The following OARD1 variants were observed in gnomAD, a reference collection of about 807,000 sequenced individuals.
The protein encoded by OARD1 is ADP-ribose glycohydrolase OARD1.
A neutral mutation model predicts 19.7 loss-of-function variants in OARD1; 19 were observed. That is an observed-to-expected ratio of 0.96 (90% CI 0.67 to 1.41). The LOEUF (loss-of-function observed/expected upper bound fraction) is 1.41. Among genes scored for constraint, OARD1 ranks in the 40% most tolerant of loss-of-function variants. The pLI is 0.00. For synonymous variants in OARD1, 70 were observed against 61.8 expected (o/e 1.13, Z -0.62); for missense variants, 190 against 183.8 (o/e 1.03, Z -0.20).
intron 3 of OARD1, 36 bp from the exon 4 acceptor site, chr6:41,070,170 G>C (rs748308635): frequency 3.5e-6 from 4 of 1,152,484 alleles, no homozygotes; most frequent in East Asian, 4.7e-5. Context: ...AAATGAAAAA[G>C]AAAACCAAAC....
At chr6:41,091,637 T>A in intron 1 of OARD1, 2 of 1,614,236 alleles carry the variant, frequency 1.2e-6, no homozygotes, top group Non-Finnish European at 1.7e-6. Flanking sequence ...GGCAAGGGAC[T>A]GTCACTGTGA....
At chr6:41,071,044 C>T in intron 3 of OARD1, 88 bp downstream of exon 3, 1 of 1,333,514 alleles carries the variant, frequency 7.5e-7, no homozygotes, top group Non-Finnish European at 1.1e-6. Context: ...TTAGGAATCC[C>T]CTCTTTACAC....
chr6:41,097,374 T>G, intron 1 of OARD1: 1 of 1,614,038 alleles, frequency 6.2e-7, no homozygotes, highest in Non-Finnish European at 8.5e-7. Flanking sequence ...ACCAAGCCGA[T>G]GAAGAAGCAA....
intron 1 of OARD1, among the ~76,000 whole-genome samples, chr6:41,095,451 G>C (rs746707058): frequency 8.5e-5 from 13 of 152,116 alleles, no homozygotes; most frequent in Non-Finnish European, 1.6e-4. Context: ...TTCTCTCTCA[G>C]TATGTTCTTA....
intron 4 of OARD1, chr6:41,069,867 C>T: frequency 1.6e-6 from 1 of 624,630 alleles, no homozygotes; most frequent in Non-Finnish European, 2.9e-6. Flanking sequence ...AGCTGGGATG[C>T]AGCCTCACAT....
rs1763254998 is a variant in OARD1, at chr6:41,070,138, A to C, written c.185-4T>G. On this transcript the variant is annotated splice_region_variant and splice_polypyrimidine_tract_variant and intron_variant, in intron 3 of 5. Transcript: ENST00000424266. ...GCCACTTCTCCAGATTTCTTTTCTA[A>C]GAAAAAGTTATTTAATAGTAGAAAT... The C allele has an allele frequency of 6.7e-7, 1 of 1,496,336 alleles. No individual in the cohort carries two copies. The highest frequency in any genetic ancestry group is 1.4e-5 in the African/African-American group (1 of 71,886). 92.7% of individuals were successfully genotyped at this position (1,496,336 alleles called of 1,614,324 possible). A position where few individuals can be genotyped will look rare whatever the true frequency, so the allele number is the denominator to read the frequency against.
chr6:41,084,733 C>G (rs1763995308), intron 1 of OARD1, among the ~76,000 whole-genome samples: 1 of 152,194 alleles, frequency 6.6e-6, no homozygotes, highest in Admixed American at 6.5e-5. Flanking sequence ...GAGGCCAAGG[C>G]AGGTGGATCA....
intron 1 of OARD1, chr6:41,079,156 C>G: frequency 6.2e-7 from 1 of 1,614,142 alleles, no homozygotes; most frequent in Non-Finnish European, 8.5e-7. Flanking sequence ...AGGACAGATT[C>G]AGCAGCAGGT....
chr6:41,071,277 C>A lies in OARD1; in HGVS notation c.40-1G>T. 4 of 1,612,592 alleles carry A rather than the reference C, an allele frequency of 2.5e-6. No homozygotes were observed. The highest frequency in any genetic ancestry group is 3.4e-6 in the Non-Finnish European group (4 of 1,179,262). ...AAAGGTCTCCTTTCACATAAGTGAT[C>A]TAAAAAATGTGCAAAGGAAAAGACA... On this transcript the variant is annotated splice_acceptor_variant, in intron 2 of 5. Transcript: ENST00000424266. LOFTEE classifies it high-confidence loss of function.
chr6:41,090,897 TAAATCA>T (rs780317115), intron 1 of OARD1, among the ~76,000 whole-genome samples: 2 of 152,174 alleles, frequency 1.3e-5, no homozygotes, highest in Non-Finnish European at 2.9e-5. Context: ...GTCAAATAGT[TAAATCA>T]AAAAAGGACA....
upstream of OARD1, among the ~76,000 whole-genome samples, chr6:41,073,873 C>G (rs368195051): frequency 1.2e-4 from 19 of 152,004 alleles, no homozygotes; most frequent in East Asian, 5.8e-4. Context: ...TTCCCCGCCC[C>G]GTTCGCAGTG....
At chr6:41,070,453 AG>A (rs1763274000) in intron 3 of OARD1, among the ~76,000 whole-genome samples, 1 of 152,136 alleles carries the variant, frequency 6.6e-6, no homozygotes, top group Non-Finnish European at 1.5e-5. Context: ...TATAGTGTGT[AG>A]TTTTTTACTT....
chr6:41,067,127 C>A lies in OARD1; in HGVS notation c.*208G>T. ...CAAGCCACCTAACTCCTTACTTTTC[C>A]ACAAAAAAACACAACCACATATCTT... On this transcript the variant is annotated 3_prime_UTR_variant, in exon 6 of 6. Transcript: ENST00000424266. 1 of 342,786 alleles carries A rather than the reference C, an allele frequency of 2.9e-6. No individual in the cohort carries two copies. The highest frequency in any genetic ancestry group is 5.4e-6 in the Non-Finnish European group (1 of 184,622). The allele number at this position is 342,786 out of a possible 1,614,324, so 21.2% of individuals were successfully genotyped here.
At chr6:41,091,535 C>A (rs1365730772) in intron 1 of OARD1, 1 of 1,613,452 alleles carries the variant, frequency 6.2e-7, no homozygotes, top group Non-Finnish European at 8.5e-7. Flanking sequence ...AAGTTACAGT[C>A]CCTGTTTCAG....
chr6:41,080,711 AGGCTTCC>A (rs1478224347), intron 1 of OARD1: 7 of 936,702 alleles, frequency 7.5e-6, no homozygotes, highest in Non-Finnish European at 1.2e-5. Context: ...AAAGTCCTTC[AGGCTTCC>A]GTCTCTCTCC....
intron 3 of OARD1, 48 bp downstream of exon 3, chr6:41,071,084 A>C: frequency 6.3e-7 from 1 of 1,586,030 alleles, no homozygotes; most frequent in South Asian, 1.1e-5. Flanking sequence ...AACAGATTAA[A>C]AGGTGCTCTA....
At chr6:41,095,736 C>T (rs1329668829) in intron 1 of OARD1, among the ~76,000 whole-genome samples, 1 of 152,184 alleles carries the variant, frequency 6.6e-6, no homozygotes, top group Non-Finnish European at 1.5e-5. Flanking sequence ...TGGCCCTTTT[C>T]TTTACAGTGT....
At chr6:41,067,493 CCT>C in intron 5 of OARD1, 56 bp from the exon 6 acceptor site, 1 of 1,210,076 alleles carries the variant, frequency 8.3e-7, no homozygotes, top group South Asian at 1.2e-5. Flanking sequence ...GGAAACTGCT[CCT>C]CTCTTTTAAG....
At chr6:41,073,648 C>G (rs915294744), upstream of OARD1, among the ~76,000 whole-genome samples, 22 of 152,214 alleles carry the variant, frequency 1.4e-4, no homozygotes, top group African/African-American at 5.3e-4. Context: ...AGGGTGCGCG[C>G]CGCGGCCGCG....
Sources: allele counts gnomAD v4.1 joint callset (sites outside exome capture counted in the v4.1 genomes callset), GRCh38; gene constraint gnomAD v4.1.1; transcripts MANE v1.5; gene names NCBI Gene and HGNC (gene_info 2026-07-23, HGNC 2026-07-21).